The following RPS6KA2 variants were observed in gnomAD, a reference collection of about 807,000 sequenced individuals.
RPS6KA2 encodes the protein ribosomal protein S6 kinase alpha-2.
RPS6KA2 carries 42 observed loss-of-function variants against 91.8 expected under a neutral mutation model. The ratio of observed to expected loss-of-function variants is 0.46; its 90% confidence interval spans 0.36 to 0.59. RPS6KA2 has a LOEUF of 0.59. RPS6KA2 is among the 20% of genes least tolerant of loss of function. RPS6KA2 has a pLI of 0.00. For missense variants in RPS6KA2, 798 were observed against 978.5 expected (o/e 0.82, Z 2.46); for synonymous variants, 414 against 393.6 (o/e 1.05, Z -0.61).
At chr6:166,812,038 T>C (rs547563699) in intron 2 of RPS6KA2, among the ~76,000 whole-genome samples, 23 of 152,268 alleles carry the variant, frequency 1.5e-4, no homozygotes, top group African/African-American at 5.5e-4. Flanking sequence ...GCTGTCATCA[T>C]CTCATCCTGG....
At chr6:166,766,904 C>G (rs1778326251) in intron 2 of RPS6KA2, among the ~76,000 whole-genome samples, 1 of 152,240 alleles carries the variant, frequency 6.6e-6, no homozygotes, top group African/African-American at 2.4e-5. Flanking sequence ...CCTACTCGCC[C>G]CACAGTGTCT....
chr6:166,579,116 C>T (rs553624277), intron 1 of RPS6KA2, among the ~76,000 whole-genome samples: 4 of 152,116 alleles, frequency 2.6e-5, no homozygotes, highest in Admixed American at 1.3e-4. Flanking sequence ...AAGACAGCCC[C>T]GAGCCACCGC....
chr6:166,600,505 C>T (rs12528284), intron 1 of RPS6KA2, among the ~76,000 whole-genome samples: 17,648 of 152,310 alleles, frequency 0.12, 1,130 homozygotes, highest in East Asian at 0.32. Flanking sequence ...CACCTGGTTT[C>T]CCTGTTTGAC....
intron 2 of RPS6KA2, among the ~76,000 whole-genome samples, chr6:166,667,229 A>G (rs6935679): frequency 0.41 from 62,024 of 152,128 alleles, 12,889 homozygotes; most frequent in African/African-American, 0.48. Flanking sequence ...ACACTGACAC[A>G]TGCTTGAGAC....
At chr6:166,604,959 T>G (rs991562887) in intron 1 of RPS6KA2, among the ~76,000 whole-genome samples, 3 of 152,158 alleles carry the variant, frequency 2.0e-5, no homozygotes, top group Admixed American at 6.5e-5. Flanking sequence ...GATTGATATC[T>G]ATAAGTCTCT....
intron 3 of RPS6KA2, among the ~76,000 whole-genome samples, chr6:166,513,606 T>C (rs543825086): frequency 8.5e-5 from 13 of 152,224 alleles, no homozygotes; most frequent in African/African-American, 3.1e-4. Flanking sequence ...CTGGCGTACG[T>C]CCCAGCCAGC....
intron 6 of RPS6KA2, among the ~76,000 whole-genome samples, chr6:166,503,750 C>T (rs1006408651): frequency 6.6e-6 from 1 of 152,148 alleles, no homozygotes; most frequent in Non-Finnish European, 1.5e-5. Flanking sequence ...GTCAGGTCTA[C>T]AAAGAATATG....
In RPS6KA2 at chr6:166,409,391, C is replaced by T. The variant is rs571065018; in HGVS notation, c.*3371G>A. On this transcript the variant is annotated 3_prime_UTR_variant, in exon 21 of 21. Coordinates refer to ENST00000265678, the MANE Select transcript of RPS6KA2 (RefSeq NM_021135.6). ...ATTGTTAGGCTAGAAAAAGATTACACTTCATAAAACCATGTTTATTCAAAA... is the reference window on the plus strand; with the variant it reads ...ATTGTTAGGCTAGAAAAAGATTACATTTCATAAAACCATGTTTATTCAAAA... The T allele has an allele frequency of 6.6e-6, 1 of 152,340 alleles. No homozygotes were observed. The highest frequency in any genetic ancestry group is 1.5e-5 in the Non-Finnish European group (1 of 68,028). 9.4% of individuals were successfully genotyped at this position (152,340 alleles called of 1,614,324 possible). A position where few individuals can be genotyped will look rare whatever the true frequency, so the allele number is the denominator to read the frequency against.
chr6:166,623,357 G>A (rs965060227), intron 1 of RPS6KA2, among the ~76,000 whole-genome samples: 6 of 152,232 alleles, frequency 3.9e-5, no homozygotes, highest in East Asian at 1.9e-4. Flanking sequence ...CTCTACTGGC[G>A]TGTGGAAAGG....
chr6:166,808,858 C>A (rs2128619923), intron 2 of RPS6KA2, among the ~76,000 whole-genome samples: 1 of 152,278 alleles, frequency 6.6e-6, no homozygotes, highest in South Asian at 2.1e-4. Context: ...TTGAGACATT[C>A]ATAAATTCAT....
chr6:166,798,483 A>T (rs973823918), intron 2 of RPS6KA2, among the ~76,000 whole-genome samples: 1 of 152,202 alleles, frequency 6.6e-6, no homozygotes, highest in Non-Finnish European at 1.5e-5. Context: ...TTCCCCAGGG[A>T]GCCCCAAACA....
At chr6:166,669,938 A>G (rs990302191) in intron 2 of RPS6KA2, among the ~76,000 whole-genome samples, 1 of 152,170 alleles carries the variant, frequency 6.6e-6, no homozygotes, top group Non-Finnish European at 1.5e-5. Context: ...GGGAAGTCCT[A>G]TGGAGGAGTT....
chr6:166,688,410 A>T (rs2128569880), intron 2 of RPS6KA2, among the ~76,000 whole-genome samples: 1 of 152,280 alleles, frequency 6.6e-6, no homozygotes, highest in Admixed American at 6.5e-5. Context: ...CGGCCTTGCC[A>T]GGGGCACATT....
At chr6:166,834,231 A>G (rs915011575) in intron 2 of RPS6KA2, among the ~76,000 whole-genome samples, 1 of 152,166 alleles carries the variant, frequency 6.6e-6, no homozygotes, top group East Asian at 1.9e-4. Flanking sequence ...TAGCTACTCT[A>G]GTAGGCTTGT....
At chr6:166,430,317 A>C in intron 16 of RPS6KA2, 136 bp downstream of exon 16, 2 of 832,870 alleles carry the variant, frequency 2.4e-6, no homozygotes, top group Non-Finnish European at 3.8e-6. Flanking sequence ...TCCAGACACA[A>C]GAGAGACGAT....
chr6:166,797,632 C>T (rs1035721913), intron 2 of RPS6KA2, among the ~76,000 whole-genome samples: 1 of 151,816 alleles, frequency 6.6e-6, no homozygotes, highest in Non-Finnish European at 1.5e-5. Flanking sequence ...GGTCTTCATC[C>T]TTGTTGTCCA....
chr6:166,518,569 A>G (rs1782741068), intron 3 of RPS6KA2, among the ~76,000 whole-genome samples: 1 of 152,200 alleles, frequency 6.6e-6, no homozygotes. Context: ...CATATTCCAG[A>G]TTAAACCCAT....
chr6:166,486,668 G>A (rs940964833), intron 10 of RPS6KA2, among the ~76,000 whole-genome samples: 2 of 152,360 alleles, frequency 1.3e-5, no homozygotes, highest in South Asian at 2.1e-4. Context: ...TGGGTCCATC[G>A]GTGTCTCCAT....
chr6:166,666,187 C>T lies in RPS6KA2; in HGVS notation c.124-127403G>A, dbSNP rs953260601. ...CTTTCAGCAAGGCCTGCCTGGGTCA[C>T]GGGGTCTGCCCCATCTAGTGAGTGC... On this transcript the variant is annotated intron_variant, in intron 2 of 21. Transcript: ENST00000503859. The surrounding 1 kb of genome is among the most constrained non-coding windows in gnomAD (Gnocchi z 4.0). Among the ~76,000 whole-genome samples the T allele has an allele frequency of 3.9e-5, 6 of 152,170 alleles. No homozygotes were observed. Among genetic ancestry groups the T allele is most frequent in the African/African-American group, 7.2e-5 (3 of 41,438 alleles).
Sources: allele counts gnomAD v4.1 joint callset (sites outside exome capture counted in the v4.1 genomes callset), GRCh38; gene constraint gnomAD v4.1.1; non-coding constraint Gnocchi (gnomAD v3.1); transcripts MANE v1.5; gene names NCBI Gene and HGNC (gene_info 2026-07-23, HGNC 2026-07-21).